Variants in LRRTM4 observed in about 807,000 individuals in gnomAD.
LRRTM4 encodes the protein leucine-rich repeat transmembrane neuronal protein 4.
A neutral mutation model predicts 47.6 loss-of-function variants in LRRTM4; 25 were observed. The observed-to-expected ratio is 0.53, with a 90% CI of 0.38 to 0.73. The LOEUF (loss-of-function observed/expected upper bound fraction) is 0.73, where lower values mean the gene tolerates loss of function less well. Ranked by LOEUF, LRRTM4 falls within the 30% of genes least tolerant of loss-of-function variation. LRRTM4 has a pLI of 0.00. For missense variants in LRRTM4, 638 were observed against 713.4 expected (o/e 0.89, Z 1.20); for synonymous variants, 311 against 269.5 (o/e 1.15, Z -1.51).
rs1670848764 is a variant in LRRTM4, at chr2:76,814,742, G to C, written c.1552-65826C>G. On this transcript the variant is annotated intron_variant, in intron 3 of 3. Coordinates refer to ENST00000409884, the MANE Select transcript of LRRTM4 (RefSeq NM_001134745.3). ...GGAGTCTTGGAGCCAACCACCCACA[G>C]ATACAAAGGGATGACTGTAATAACA... 2.0e-5 allele frequency among the ~76,000 whole-genome samples: 3 copies of C among 151,564 alleles called. No individual in the cohort carries two copies. In the South Asian group the frequency reaches 6.2e-4, roughly 31 times the overall value.
intron 3 of LRRTM4, among the ~76,000 whole-genome samples, chr2:77,503,379 G>A (rs1678646219): frequency 6.6e-6 from 1 of 151,450 alleles, no homozygotes; most frequent in Non-Finnish European, 1.5e-5. Flanking sequence ...TTTCCAAGAG[G>A]GATAGCTTCA....
At chr2:77,439,385 T>C (rs1312470195) in intron 3 of LRRTM4, among the ~76,000 whole-genome samples, 1 of 152,102 alleles carries the variant, frequency 6.6e-6, no homozygotes, top group African/African-American at 2.4e-5. Flanking sequence ...GGCAAAAAAG[T>C]CAAATAGGTA....
At chr2:77,042,309 G>A (rs1472572125) in intron 3 of LRRTM4, among the ~76,000 whole-genome samples, 2 of 151,554 alleles carry the variant, frequency 1.3e-5, no homozygotes, top group African/African-American at 2.4e-5. Flanking sequence ...CAACACAGCA[G>A]TATGATAAAA....
intron 3 of LRRTM4, among the ~76,000 whole-genome samples, chr2:77,368,208 C>A (rs1672529821): frequency 6.6e-6 from 1 of 151,452 alleles, no homozygotes; most frequent in African/African-American, 2.4e-5. Context: ...GCTAGAAGAA[C>A]CCACCTTTTA....
chr2:77,207,866 CTTTTTTTTTTT>C (rs754540782), intron 3 of LRRTM4, among the ~76,000 whole-genome samples: 3 of 42,594 alleles, frequency 7.0e-5, no homozygotes, highest in South Asian at 1.2e-3. Context: ...GGGAAAGTGG[CTTTTTTTTTTT>C]TTTTTTTTTT....
At chr2:77,064,545 C>G (rs1211395871) in intron 3 of LRRTM4, among the ~76,000 whole-genome samples, 4 of 152,134 alleles carry the variant, frequency 2.6e-5, no homozygotes, top group Non-Finnish European at 5.9e-5. Flanking sequence ...AATTTCACAT[C>G]ACAGTTATCA....
At chr2:77,062,495 G>A (rs1306095198) in intron 3 of LRRTM4, among the ~76,000 whole-genome samples, 1 of 152,148 alleles carries the variant, frequency 6.6e-6, no homozygotes, top group East Asian at 1.9e-4. Flanking sequence ...TTAAACTGAT[G>A]AGTAATCTGA....
intron 3 of LRRTM4, among the ~76,000 whole-genome samples, chr2:76,783,607 G>GA (rs1244321048): frequency 6.6e-6 from 1 of 152,064 alleles, no homozygotes; most frequent in Non-Finnish European, 1.5e-5. Flanking sequence ...ATGCTAATGT[G>GA]AAAAGTTTCT....
At chr2:77,455,935 T>C (rs990455357) in intron 3 of LRRTM4, among the ~76,000 whole-genome samples, 2 of 152,110 alleles carry the variant, frequency 1.3e-5, no homozygotes, top group African/African-American at 4.8e-5. Flanking sequence ...AATCCACTGG[T>C]TTTTATCCAT....
At chr2:77,219,910 C>T (rs1237682683) in intron 3 of LRRTM4, among the ~76,000 whole-genome samples, 1 of 152,180 alleles carries the variant, frequency 6.6e-6, no homozygotes, top group Non-Finnish European at 1.5e-5. Flanking sequence ...ACTGCCTCCT[C>T]AAGTGGGTCC....
chr2:77,191,100 G>GT (rs1558626422), intron 3 of LRRTM4, among the ~76,000 whole-genome samples: 1 of 152,002 alleles, frequency 6.6e-6, no homozygotes, highest in Admixed American at 6.6e-5. Context: ...TTCTAGCACT[G>GT]TAAGTTTTTA....
intron 3 of LRRTM4, among the ~76,000 whole-genome samples, chr2:77,186,051 G>A (rs1223009279): frequency 6.6e-6 from 1 of 152,130 alleles, no homozygotes; most frequent in Non-Finnish European, 1.5e-5. Flanking sequence ...ACATAACAAA[G>A]CTACAGAGTG....
At chr2:77,322,468 T>C (rs1677824315) in intron 3 of LRRTM4, among the ~76,000 whole-genome samples, 1 of 152,088 alleles carries the variant, frequency 6.6e-6, no homozygotes, top group Non-Finnish European at 1.5e-5. Flanking sequence ...TTTCACTACA[T>C]GATAGGGAAA....
chr2:77,509,023 G>C (rs1380066550), intron 3 of LRRTM4, among the ~76,000 whole-genome samples: 1 of 152,018 alleles, frequency 6.6e-6, no homozygotes, highest in Non-Finnish European at 1.5e-5. Context: ...CCCGAAGTCA[G>C]GAGTTCAAGA....
intron 3 of LRRTM4, among the ~76,000 whole-genome samples, chr2:76,877,198 T>A (rs1188915789): frequency 6.6e-6 from 1 of 152,148 alleles, no homozygotes; most frequent in Non-Finnish European, 1.5e-5. Flanking sequence ...CAATTGTTTT[T>A]ATTCATTTTC....
rs1677248970 is a variant in LRRTM4, at chr2:76,997,646, T to C, written c.1552-248730A>G. Among the ~76,000 whole-genome samples the C allele has an allele frequency of 2.0e-5, 3 of 152,212 alleles. No individual in the cohort carries two copies. In the South Asian group the frequency reaches 6.2e-4, roughly 32 times the overall value. Reference sequence around the variant, plus strand: ...TGAAGTCACATTTAAGAATATGTGGTTGGTGACAGAGCTAGAGAAAATTGA... The same window carrying C: ...TGAAGTCACATTTAAGAATATGTGGCTGGTGACAGAGCTAGAGAAAATTGA... On this transcript the variant is annotated intron_variant, in intron 3 of 3. Coordinates refer to ENST00000409884, the MANE Select transcript of LRRTM4 (RefSeq NM_001134745.3).
chr2:77,349,566 G>A (rs915358733), intron 3 of LRRTM4, among the ~76,000 whole-genome samples: 1 of 151,926 alleles, frequency 6.6e-6, no homozygotes, highest in African/African-American at 2.4e-5. Flanking sequence ...TCATTGGGAA[G>A]GGAGAGATAA....
chr2:76,853,633 G>GA (rs962073336), intron 3 of LRRTM4, among the ~76,000 whole-genome samples: 105 of 150,556 alleles, frequency 7.0e-4, no homozygotes, highest in Admixed American at 1.7e-3. Flanking sequence ...TCTGTGGATA[G>GA]AAAAAAAAAT....
chr2:76,924,099 C>T (rs1304900036), intron 3 of LRRTM4, among the ~76,000 whole-genome samples: 1 of 152,006 alleles, frequency 6.6e-6, no homozygotes, highest in African/African-American at 2.4e-5. Context: ...CAGCATTTCA[C>T]AAATAGTTAA....
Sources: gnomAD v4.1 joint callset for allele counts (sites outside exome capture counted in the v4.1 genomes callset) on GRCh38, gnomAD v4.1.1 for gene constraint, MANE v1.5 for transcripts, NCBI Gene and HGNC (gene_info 2026-07-23, HGNC 2026-07-21) for gene names.